The following RRAS2 variants were observed in gnomAD, a reference collection of about 807,000 sequenced individuals.
The protein encoded by RRAS2 is ras-related protein R-Ras2.
In RRAS2, 7 loss-of-function variants were observed where a neutral mutation model predicts 27.6. The ratio of observed to expected loss-of-function variants is 0.25; its 90% CI spans 0.14 to 0.48. RRAS2 has a LOEUF of 0.48. Ranked by LOEUF, RRAS2 falls within the 20% of genes least tolerant of loss-of-function variation. The pLI is 0.99. For synonymous variants in RRAS2, 86 were observed against 90.9 expected (o/e 0.95, Z 0.31); for missense variants, 178 against 256.2 (o/e 0.69, Z 2.08).
Position 14,331,707 on chromosome 11 carries a change from A to G in RRAS2, c.108+27056T>C, listed in dbSNP as rs542614527. Reference sequence around the variant, plus strand: ...AAAAAAAAAAAAAAAAGTTCTGGCAAGTCTACTACAGAAAGAGGATGTAAG... The same window carrying G: ...AAAAAAAAAAAAAAAAGTTCTGGCAGGTCTACTACAGAAAGAGGATGTAAG... On this transcript the variant is annotated intron_variant, in intron 1 of 5. Coordinates refer to ENST00000256196, the MANE Select transcript of RRAS2 (RefSeq NM_012250.6). Among the ~76,000 whole-genome samples the G allele has an allele frequency of 8.5e-4, 129 of 151,178 alleles. 1 individual carries two copies. Among genetic ancestry groups the G allele is most frequent in the African/African-American group, 3.1e-3 (126 of 41,250 alleles).
At chr11:14,316,306 GCAT>G (rs1345533246) in intron 1 of RRAS2, among the ~76,000 whole-genome samples, 1 of 152,214 alleles carries the variant, frequency 6.6e-6, no homozygotes, top group African/African-American at 2.4e-5. Context: ...GGTGAGGTAT[GCAT>G]CAGTCTGAAG....
intron 1 of RRAS2, among the ~76,000 whole-genome samples, chr11:14,302,818 A>G (rs1167049490): frequency 6.6e-6 from 1 of 152,326 alleles, no homozygotes; most frequent in Non-Finnish European, 1.5e-5. Context: ...GGGAGGCAGC[A>G]GAATTGAGGG....
chr11:14,284,589 G>GT (rs1554944786), intron 4 of RRAS2, among the ~76,000 whole-genome samples: 3 of 151,978 alleles, frequency 2.0e-5, no homozygotes, highest in Non-Finnish European at 4.4e-5. Context: ...TATCGAGAGG[G>GT]GTATTGAAGT....
At chr11:14,334,364 G>C (rs1244893647) in intron 1 of RRAS2, among the ~76,000 whole-genome samples, 1 of 151,982 alleles carries the variant, frequency 6.6e-6, no homozygotes, top group Admixed American at 6.5e-5. Flanking sequence ...TCACCTTGCT[G>C]TCATTTTAAG....
chr11:14,318,686 G>A (rs1554949851), intron 1 of RRAS2, among the ~76,000 whole-genome samples: 2 of 152,168 alleles, frequency 1.3e-5, no homozygotes, highest in Non-Finnish European at 2.9e-5. Context: ...GCAGGGCAGT[G>A]GAACAGCTGA....
chr11:14,340,655 T>G (rs982743401), intron 1 of RRAS2, among the ~76,000 whole-genome samples: 4 of 152,238 alleles, frequency 2.6e-5, no homozygotes, highest in African/African-American at 9.6e-5. Flanking sequence ...ACCGTAAGAG[T>G]TAGACCCTTA....
intron 1 of RRAS2, among the ~76,000 whole-genome samples, chr11:14,349,651 T>C (rs994423706): frequency 1.3e-5 from 2 of 152,148 alleles, no homozygotes; most frequent in Non-Finnish European, 2.9e-5. Context: ...TGCTTCAAAA[T>C]TGCAAACCCA....
intron 1 of RRAS2, among the ~76,000 whole-genome samples, chr11:14,323,361 G>A (rs575233414): frequency 4.6e-5 from 7 of 152,218 alleles, no homozygotes; most frequent in African/African-American, 1.7e-4. Flanking sequence ...GGAAGGCTAA[G>A]GTAGGAGGAT....
At position 14,358,609 on chromosome 11, in the gene RRAS2, G is replaced by T; in HGVS notation, c.108+154C>A. 2 of 980,124 alleles carry T rather than the reference G, an allele frequency of 2.0e-6. No individual in the cohort carries two copies. The highest frequency in any genetic ancestry group is 2.4e-6 in the Non-Finnish European group (2 of 824,942). The allele number at this position is 980,124 out of a possible 1,614,324, so 60.7% of individuals were successfully genotyped here. ...GCGCGACGCTGCGGCCGCAGGGCAG[G>T]AGCGTAGTCGGCCCCGCGCCCTCCC... On this transcript the variant is annotated intron_variant, in intron 1 of 5. Transcript: ENST00000256196. This position sits in a 1 kb window ranked among gnomAD's most constrained non-coding sequence, Gnocchi z 5.1.
intron 1 of RRAS2, among the ~76,000 whole-genome samples, chr11:14,348,010 C>T (rs1554954260): frequency 6.6e-6 from 1 of 152,146 alleles, no homozygotes; most frequent in Non-Finnish European, 1.5e-5. Flanking sequence ...CAAAACCTTA[C>T]TGGCCTAACC....
chr11:14,295,329 T>C (rs1847515042), intron 2 of RRAS2, among the ~76,000 whole-genome samples: 1 of 152,334 alleles, frequency 6.6e-6, no homozygotes, highest in East Asian at 1.9e-4. Context: ...ATTAGAAGAA[T>C]AGAGCTTTCT....
chr11:14,362,612 T>C (rs1554956265), upstream of RRAS2, among the ~76,000 whole-genome samples: 1 of 152,154 alleles, frequency 6.6e-6, no homozygotes, highest in Non-Finnish European at 1.5e-5. Context: ...TGACAGATAA[T>C]AAGTACATAC....
chr11:14,332,693 G>A (rs1288692611), intron 1 of RRAS2, among the ~76,000 whole-genome samples: 1 of 152,056 alleles, frequency 6.6e-6, no homozygotes, highest in African/African-American at 2.4e-5. Context: ...GGGAGACAAG[G>A]GACCTTCTTG....
At position 14,294,480 on chromosome 11, in the gene RRAS2, A is replaced by T; in HGVS notation, c.399T>A (p.His133Gln). 1 of 1,577,726 alleles carries T rather than the reference A, an allele frequency of 6.3e-7. No homozygotes were observed. Among genetic ancestry groups the T allele is most frequent in the Non-Finnish European group, 8.6e-7 (1 of 1,161,440 alleles). ...TGAAATTCCTTCTCACCTGTCTTTGATGATCCAGATCTGCTTTATTACCAA... is the reference window on the plus strand; with the variant it reads ...TGAAATTCCTTCTCACCTGTCTTTGTTGATCCAGATCTGCTTTATTACCAA... The part of the protein sequence containing the change: ...ILIGNKADLD[H>Q]QRQVTQEEGQ... Residue 133 changes from histidine to glutamine, a missense_variant, in exon 4 of 6, where the codon CAT (histidine) becomes CAA (glutamine). His to Gln is a conservative substitution (Grantham distance 24). Transcript: ENST00000256196.
At chr11:14,318,022 A>AAT (rs1554949756) in intron 1 of RRAS2, among the ~76,000 whole-genome samples, 1 of 152,248 alleles carries the variant, frequency 6.6e-6, no homozygotes, top group Non-Finnish European at 1.5e-5. Context: ...GAGCAGGAAG[A>AAT]ATAAAGGAAT....
chr11:14,301,689 T>TA (rs1226114424), intron 1 of RRAS2, among the ~76,000 whole-genome samples: 1 of 152,128 alleles, frequency 6.6e-6, no homozygotes, highest in Non-Finnish European at 1.5e-5. Context: ...GAAAGTGACA[T>TA]ATCCATAGGC....
intron 1 of RRAS2, among the ~76,000 whole-genome samples, chr11:14,335,586 C>CAA (rs1187933804): frequency 6.6e-6 from 1 of 151,938 alleles, no homozygotes; most frequent in African/African-American, 2.4e-5. Flanking sequence ...CTTAATAAAC[C>CAA]AAAAAGCCCT....
intron 1 of RRAS2, among the ~76,000 whole-genome samples, chr11:14,322,955 A>G (rs1448240045): frequency 6.6e-6 from 1 of 152,238 alleles, no homozygotes; most frequent in African/African-American, 2.4e-5. Flanking sequence ...ACCTAATGGT[A>G]AAAATTCAAT....
chr11:14,340,418 G>GGTA (rs1848679649), intron 1 of RRAS2, among the ~76,000 whole-genome samples: 1 of 151,800 alleles, frequency 6.6e-6, no homozygotes, highest in Admixed American at 6.6e-5. Context: ...AGTATTCTGA[G>GGTA]AATCCCACAG....
Sources: allele counts gnomAD v4.1 joint callset (sites outside exome capture counted in the v4.1 genomes callset), GRCh38; gene constraint gnomAD v4.1.1; non-coding constraint Gnocchi (gnomAD v3.1); transcripts MANE v1.5; gene names NCBI Gene and HGNC (gene_info 2026-07-23, HGNC 2026-07-21).